Variants in GOLGB1 observed in about 807,000 individuals in gnomAD.
The protein encoded by GOLGB1 is golgin subfamily B member 1.
A neutral mutation model predicts 336.9 loss-of-function variants in GOLGB1; 174 were observed. The ratio of observed to expected loss-of-function variants is 0.52; its 90% confidence interval spans 0.46 to 0.59. The LOEUF (loss-of-function observed/expected upper bound fraction) is 0.59, where lower values mean the gene tolerates loss of function less well. Ranked by LOEUF, GOLGB1 falls within the 20% of genes least tolerant of loss-of-function variation. The pLI, the probability that GOLGB1 is intolerant of heterozygous loss-of-function variation, is 0.00. For missense variants in GOLGB1, 3,331 were observed against 3,645.3 expected (o/e 0.91, Z 2.22); for synonymous variants, 1,208 against 1,289.2 (o/e 0.94, Z 1.35).
At chr3:121,679,080 C>T (rs911081345) in intron 15 of GOLGB1, among the ~76,000 whole-genome samples, 1 of 152,122 alleles carries the variant, frequency 6.6e-6, no homozygotes, top group African/African-American at 2.4e-5. Flanking sequence ...AAGAAAAGAG[C>T]TAGGATTTCT....
chr3:121,678,354 T>C (rs1333609642), intron 15 of GOLGB1, among the ~76,000 whole-genome samples: 1 of 152,224 alleles, frequency 6.6e-6, no homozygotes, highest in African/African-American at 2.4e-5. Context: ...CATTAAGAAC[T>C]CTCTTAGAGA....
At chr3:121,737,802 G>C (rs1319934944) in intron 1 of GOLGB1, among the ~76,000 whole-genome samples, 1 of 152,144 alleles carries the variant, frequency 6.6e-6, no homozygotes, top group East Asian at 1.9e-4. Context: ...GAAGTGATGA[G>C]AGATACCTGT....
In GOLGB1 at chr3:121,693,817, C is replaced by A. The variant is rs745978661; in HGVS notation, c.6706G>T (p.Asp2236Tyr). The A allele has an allele frequency of 1.9e-6, 3 of 1,608,748 alleles. No individual in the cohort carries two copies. Among genetic ancestry groups the A allele is most frequent in the Non-Finnish European group, 2.6e-6 (3 of 1,175,140 alleles). Residue 2236 changes from aspartate (D) to tyrosine (Y), a missense_variant, in exon 13 of 22, where the codon GAT becomes TAT. Coordinates refer to ENST00000614479, the MANE Select transcript of GOLGB1 (RefSeq NM_001366282.2). ...TGATCCTTTAGAACACTGCAATTAT[C>A]TTCTTTGAGTCTAATTTCTTCTTCT... ...SKEEEIRLKE[D>Y]NCSVLKDQLR...
chr3:121,682,651 A>C (rs1280829646), intron 14 of GOLGB1, among the ~76,000 whole-genome samples: 2 of 152,228 alleles, frequency 1.3e-5, no homozygotes, highest in African/African-American at 4.8e-5. Context: ...TTAGTAAGGG[A>C]GAAATAATAT....
intron 1 of GOLGB1, among the ~76,000 whole-genome samples, chr3:121,741,086 G>A (rs1020119300): frequency 2.0e-5 from 3 of 151,912 alleles, no homozygotes; most frequent in African/African-American, 7.2e-5. Flanking sequence ...AAGAAAAAGT[G>A]AGCCAAGGAT....
chr3:121,674,415 T>C (rs1940035208), intron 17 of GOLGB1, among the ~76,000 whole-genome samples: 1 of 152,244 alleles, frequency 6.6e-6, no homozygotes, highest in Non-Finnish European at 1.5e-5. Context: ...AAATAATCTC[T>C]AGATTACTTA....
rs1945038002 is a variant in GOLGB1, at chr3:121,719,649, T to C, written c.768A>G (p.Gln256=). 1.2e-6 allele frequency: 2 copies of C among 1,606,552 alleles called. No individual in the cohort carries two copies. Among genetic ancestry groups the C allele is most frequent in the Non-Finnish European group, 1.7e-6 (2 of 1,176,478 alleles). The change falls in exon 7 of 22, where the codon CAA becomes CAG. Residue 256 remains glutamine (Q), a synonymous_variant. Transcript: ENST00000614479. ...CTACCGAGTTTTAGCAACACACCTG[T>C]TGCATCTCTGTTTCCACATCTGCCT... is the stretch of plus-strand genomic sequence containing the variant. ...VTQADVETEM[Q]QKLRVLQRKL...
rs751236877 is a variant in GOLGB1, at chr3:121,690,651, G to GA, written c.8694+18dup. On this transcript the variant is annotated intron_variant, in intron 14 of 21. Coordinates refer to ENST00000614479, the MANE Select transcript of GOLGB1 (RefSeq NM_001366282.2). Reference sequence around the variant, plus strand: ...CAAAAACTCTTAAACAGATCAGAAAGAAAGAACTAGCTACTCACTAGTCTG... The same window carrying GA: ...CAAAAACTCTTAAACAGATCAGAAAGAAAAGAACTAGCTACTCACTAGTCTG... 6.9e-6 allele frequency: 9 copies of GA among 1,295,164 alleles called. No homozygotes were observed. 80.2% of individuals were successfully genotyped at this position (1,295,164 alleles called of 1,614,324 possible). A position where few individuals can be genotyped will look rare whatever the true frequency, so the allele number is the denominator to read the frequency against.
At chr3:121,743,877 TTTAA>T (rs1231612251) in intron 1 of GOLGB1, among the ~76,000 whole-genome samples, 2 of 152,116 alleles carry the variant, frequency 1.3e-5, no homozygotes, top group Non-Finnish European at 2.9e-5. Context: ...TCTAATAAAT[TTTAA>T]TTAGAATATT....
rs141391302 is a variant in GOLGB1, at chr3:121,691,926, G to A, written c.7438C>T (p.Arg2480Cys). ...SMSSLQNDRD[R>C]IVGDYQQLEE... The stretch of plus-strand genomic sequence containing the variant: ...AGCTGTTGATAGTCACCCACTATGC[G>A]GTCTCGATCATTTTGGAGAGAAGAC... The change falls in exon 14 of 22, where the codon CGC becomes TGC. Residue 2480 changes from arginine (R) to cysteine (C), a missense_variant. Transcript: ENST00000614479. 137 of 1,613,970 alleles carry A rather than the reference G, an allele frequency of 8.5e-5. No homozygotes were observed. The highest frequency in any genetic ancestry group is 1.2e-4 in the South Asian group (11 of 91,066).
At chr3:121,724,345 A>G (rs1283590200) in intron 5 of GOLGB1, among the ~76,000 whole-genome samples, 1 of 152,190 alleles carries the variant, frequency 6.6e-6, no homozygotes, top group Non-Finnish European at 1.5e-5. Flanking sequence ...GGAACAAAGT[A>G]TCAGAAACTA....
At chr3:121,743,024 T>C (rs1443893048) in intron 1 of GOLGB1, among the ~76,000 whole-genome samples, 1 of 152,224 alleles carries the variant, frequency 6.6e-6, no homozygotes, top group Non-Finnish European at 1.5e-5. Context: ...GGTGGTAGTG[T>C]AAATTAGTTC....
chr3:121,697,590 C>G lies in GOLGB1; in HGVS notation c.2933G>C (p.Ser978Thr). The stretch of plus-strand genomic sequence containing the variant: ...AAATTCATGCTGAAGTTCTTCCTTA[C>G]TTATTTGTCCTGCTGGGCTCATCTC... Reference protein sequence around the residue: ...YDEMSPAGQISKEELQHEFDL... With the variant: ...YDEMSPAGQITKEELQHEFDL... The change falls in exon 13 of 22, where the codon AGT becomes ACT. Residue 978 changes from serine (S) to threonine (T), a missense_variant. Physicochemically the swap from Ser to Thr is moderately conservative, Grantham distance 58 (BLOSUM62 1). Coordinates refer to ENST00000614479, the MANE Select transcript of GOLGB1 (RefSeq NM_001366282.2). 7 of 1,613,652 alleles carry G rather than the reference C, an allele frequency of 4.3e-6. No homozygotes were observed. The highest frequency in any genetic ancestry group is 5.1e-6 in the Non-Finnish European group (6 of 1,179,958).
At chr3:121,683,890 G>C (rs998250882) in intron 14 of GOLGB1, among the ~76,000 whole-genome samples, 1 of 151,964 alleles carries the variant, frequency 6.6e-6, no homozygotes, top group Non-Finnish European at 1.5e-5. Context: ...AGCACTTTGG[G>C]GGGCCGAGGT....
intron 6 of GOLGB1, 74 bp downstream of exon 6, chr3:121,722,188 C>T: frequency 2.5e-6 from 2 of 798,762 alleles, no homozygotes; most frequent in Non-Finnish European, 4.3e-6. Context: ...TTTAAAGTGA[C>T]TCACTGAATT....
rs749351099 is a variant in GOLGB1, at chr3:121,699,856, C to T, written c.1549G>A (p.Glu517Lys). The change falls in exon 12 of 22, where the codon GAG (glutamate) becomes AAG (lysine). Residue 517 changes from glutamate (E) to lysine (K), a missense_variant. Transcript: ENST00000614479. ...GCCTCCCCAGTTCTATTCTGAGCCT[C>T]TAGGAGAGTAATCTGAGAAGACAGT... Reference protein sequence around the residue: ...EKLSSQITLLEAQNRTGEADR... With the variant: ...EKLSSQITLLKAQNRTGEADR... 1.2e-6 allele frequency: 2 copies of T among 1,604,320 alleles called. No individual in the cohort carries two copies. Among genetic ancestry groups the T allele is most frequent in the Non-Finnish European group, 8.5e-7 (1 of 1,172,466 alleles).
chr3:121,698,700 C>T lies in GOLGB1; in HGVS notation c.1823G>A (p.Gly608Asp). 6.2e-7 allele frequency: 1 copy of T among 1,613,750 alleles called. No individual in the cohort carries two copies. The highest frequency in any genetic ancestry group is 8.5e-7 in the Non-Finnish European group (1 of 1,179,758). The change falls in exon 13 of 22, where the codon GGT (glycine) becomes GAT (aspartate). Residue 608 changes from glycine to aspartate, a missense_variant. Coordinates refer to ENST00000614479, the MANE Select transcript of GOLGB1 (RefSeq NM_001366282.2). ...CATTTTAATTGGAGCTATTCCCTCA[C>T]CCTCCATCTGTTTCATTTCTTTCTG... ...LDQKEMKQME[G>D]EGIAPIKMKV...
chr3:121,710,216 A>T (rs1944233052), intron 10 of GOLGB1, among the ~76,000 whole-genome samples: 1 of 151,954 alleles, frequency 6.6e-6, no homozygotes, highest in South Asian at 2.1e-4. Context: ...GAATTCTTTT[A>T]AAAAAAAGTA....
rs1361884022 is a variant in GOLGB1 at position 121,694,083 on chromosome 3, T to G, written c.6440A>C (p.Gln2147Pro). Residue 2147 changes from glutamine to proline, a missense_variant, in exon 13 of 22, where the codon CAA (glutamine) becomes CCA (proline). By Grantham distance (76) the Gln-to-Pro change is moderately conservative (BLOSUM62 -1). Transcript: ENST00000614479. ...TCTGCGCAAAGCATCCAGTTTCTCT[T>G]GCATATTCTTCTTCTCTTTCAGGTG... ...EKHLKEKKNM[Q>P]EKLDALRREK... 1.5e-5 allele frequency: 25 copies of G among 1,613,992 alleles called. No homozygotes were observed. The Middle Eastern group carries it at 4.9e-4, about 32-fold the overall frequency.
Sources: allele counts gnomAD v4.1 joint callset (sites outside exome capture counted in the v4.1 genomes callset), GRCh38; gene constraint gnomAD v4.1.1; transcripts MANE v1.5; gene names NCBI Gene and HGNC (gene_info 2026-07-23, HGNC 2026-07-21).